The following PHLPP1 variants were observed in gnomAD, a reference collection of about 807,000 sequenced individuals.
PHLPP1 encodes PH domain and leucine rich repeat protein phosphatase 1.
A neutral mutation model predicts 117.2 loss-of-function variants in PHLPP1; 42 were observed. The observed-to-expected ratio is 0.36, with a 90% CI of 0.28 to 0.46. The LOEUF is 0.46. PHLPP1 is among the 20% of genes least tolerant of loss of function. PHLPP1 has a pLI of 1.00. For synonymous variants in PHLPP1, 1,042 were observed against 970.7 expected, an observed-to-expected ratio of 1.07 and a Z score of -1.37; for missense variants, 2,084 against 2,241.9, an observed-to-expected ratio of 0.93 and a Z score of 1.42.
intron 1 of PHLPP1, among the ~76,000 whole-genome samples, chr18:62,718,287 T>C (rs1910821276): frequency 6.6e-6 from 1 of 152,260 alleles, no homozygotes; most frequent in Admixed American, 6.5e-5. Flanking sequence ...AACTCTTCGC[T>C]AACTTTACGT....
rs372585456 is a variant in PHLPP1 at position 62,964,304 on chromosome 18, C to A, written c.3560+832C>A. Among the ~76,000 whole-genome samples, 48 of 152,250 alleles carry A rather than the reference C, an allele frequency of 3.2e-4. 2 individuals carry two copies. Among genetic ancestry groups the A allele is most frequent in the East Asian group, 2.7e-3 (14 of 5,172 alleles). On this transcript the variant is annotated intron_variant, in intron 14 of 16. Coordinates refer to ENST00000262719, the MANE Select transcript of PHLPP1 (RefSeq NM_194449.4). ...GTAAGGAAAGTTTTTAAAAAGTCTC[C>A]CAACCTAGACTCATTAAATCAGAAT...
intron 4 of PHLPP1, among the ~76,000 whole-genome samples, chr18:62,878,559 C>A (rs1254154251): frequency 6.6e-6 from 1 of 152,112 alleles, no homozygotes; most frequent in Admixed American, 6.6e-5. Flanking sequence ...AGTCACATTC[C>A]TCTTGTCATT....
chr18:62,852,544 T>C (rs930623506), intron 3 of PHLPP1, among the ~76,000 whole-genome samples: 3 of 152,040 alleles, frequency 2.0e-5, no homozygotes, highest in Non-Finnish European at 4.4e-5. Flanking sequence ...GGGGTTTCAC[T>C]GTGTTAGCCA....
chr18:62,938,267 C>A (rs1422430460), intron 10 of PHLPP1, among the ~76,000 whole-genome samples: 1 of 152,116 alleles, frequency 6.6e-6, no homozygotes, highest in Non-Finnish European at 1.5e-5. Context: ...AGAGTTGAGA[C>A]CTGACTCAGC....
chr18:62,780,280 AAG>A (rs1224680066), intron 1 of PHLPP1, among the ~76,000 whole-genome samples: 1 of 152,232 alleles, frequency 6.6e-6, no homozygotes, highest in Non-Finnish European at 1.5e-5. Context: ...TGGCTGCAAT[AAG>A]AAATACTGTA....
chr18:62,796,178 T>G (rs1370520091), intron 1 of PHLPP1, among the ~76,000 whole-genome samples: 1 of 152,256 alleles, frequency 6.6e-6, no homozygotes, highest in Non-Finnish European at 1.5e-5. Flanking sequence ...TTGTTAAAAG[T>G]AAATTCCAAG....
At chr18:62,943,390 T>C (rs769697278) in intron 11 of PHLPP1, among the ~76,000 whole-genome samples, 21 of 152,252 alleles carry the variant, frequency 1.4e-4, no homozygotes, top group Non-Finnish European at 2.2e-4. Context: ...AGTCATTTTG[T>C]CTTCACATCT....
chr18:62,775,431 A>C (rs927076869), intron 1 of PHLPP1, among the ~76,000 whole-genome samples: 13 of 152,138 alleles, frequency 8.5e-5, no homozygotes, highest in African/African-American at 2.9e-4. Context: ...TTTACTTGCT[A>C]TCTTGTTCTC....
chr18:62,973,437 GACTC>G (rs1430639212), intron 15 of PHLPP1, among the ~76,000 whole-genome samples: 1 of 152,212 alleles, frequency 6.6e-6, no homozygotes, highest in Non-Finnish European at 1.5e-5. Context: ...TTGTGCTGCA[GACTC>G]ACTCATGTGG....
At chr18:62,939,149 C>T (rs1910058537) in intron 10 of PHLPP1, among the ~76,000 whole-genome samples, 1 of 151,884 alleles carries the variant, frequency 6.6e-6, no homozygotes, top group Non-Finnish European at 1.5e-5. Context: ...TGCCACCACA[C>T]CCAGCTAATA....
At chr18:62,916,005 G>A (rs373434780) in intron 9 of PHLPP1, among the ~76,000 whole-genome samples, 36 of 152,248 alleles carry the variant, frequency 2.4e-4, no homozygotes, top group Non-Finnish European at 4.4e-4. Flanking sequence ...ATAGAAGTAT[G>A]TCACCATTTT....
chr18:62,787,727 C>T (rs1388493238), intron 1 of PHLPP1, among the ~76,000 whole-genome samples: 1 of 152,072 alleles, frequency 6.6e-6, no homozygotes, highest in Admixed American at 6.5e-5. Flanking sequence ...CTTCATATTT[C>T]ACTGGTCTAC....
intron 4 of PHLPP1, among the ~76,000 whole-genome samples, chr18:62,879,164 G>T (rs546122323): frequency 6.6e-6 from 1 of 152,264 alleles, no homozygotes; most frequent in African/African-American, 2.4e-5. Context: ...GTATTAAGAG[G>T]TGGGACTTTA....
At chr18:62,970,718 TCA>T (rs1911026741) in intron 14 of PHLPP1, among the ~76,000 whole-genome samples, 1 of 151,918 alleles carries the variant, frequency 6.6e-6, no homozygotes. Flanking sequence ...TGAACCAAGA[TCA>T]CACCACTGCA....
rs553603230 is a variant in PHLPP1 at position 62,830,708 on chromosome 18, C to T, written c.1773+477C>T. On this transcript the variant is annotated intron_variant, in intron 2 of 16. Coordinates refer to ENST00000262719, the MANE Select transcript of PHLPP1 (RefSeq NM_194449.4). ...TGTGGGGAAAAAACAGTGCCATTGG[C>T]TCATGTGAGGCCTTGATGATTATTG... Among the ~76,000 whole-genome samples the T allele has an allele frequency of 6.6e-5, 10 of 152,154 alleles. No homozygotes were observed. The East Asian group carries it at 1.9e-3, about 29-fold the overall frequency.
chr18:62,884,036 A>C (rs1916227242), intron 4 of PHLPP1, among the ~76,000 whole-genome samples: 1 of 152,246 alleles, frequency 6.6e-6, no homozygotes, highest in Non-Finnish European at 1.5e-5. Flanking sequence ...GTAACAGCAG[A>C]AAAACTGAGA....
chr18:62,742,058 CA>C (rs1193327919), intron 1 of PHLPP1, among the ~76,000 whole-genome samples: 1 of 151,922 alleles, frequency 6.6e-6, no homozygotes, highest in Non-Finnish European at 1.5e-5. Flanking sequence ...CCTTTGAGGC[CA>C]GTGTTTTGGA....
rs936861188 is a variant in PHLPP1 at position 62,716,852 on chromosome 18, T to C, written c.1169T>C (p.Val390Ala). ...GACGCAGCCTCGGCCCCGACGGGGG[T>C]CCCGGGCCAGCCCCGCCGTCCCGGC... ...EADAASAPTG[V>A]PGQPRRPGHP... The change falls in exon 1 of 17, where the codon GTC becomes GCC. Residue 390 changes from valine (V) to alanine (A), a missense_variant. Coordinates refer to ENST00000262719, the MANE Select transcript of PHLPP1 (RefSeq NM_194449.4). The surrounding 1 kb of genome is among the most constrained non-coding windows in gnomAD (Gnocchi z 5.7). 1 of 1,521,820 alleles carries C rather than the reference T, an allele frequency of 6.6e-7. No homozygotes were observed. Among genetic ancestry groups the C allele is most frequent in the Non-Finnish European group, 8.8e-7 (1 of 1,140,926 alleles). The allele number at this position is 1,521,820 out of a possible 1,614,324, so 94.3% of individuals were successfully genotyped here. A position where few individuals can be genotyped will look rare whatever the true frequency, so the allele number is the denominator to read the frequency against.
chr18:62,782,573 T>C (rs1387279377), intron 1 of PHLPP1, among the ~76,000 whole-genome samples: 1 of 152,238 alleles, frequency 6.6e-6, no homozygotes. Context: ...AATTCAGCTA[T>C]ATGCACTCCA....
Sources: allele counts gnomAD v4.1 joint callset (sites outside exome capture counted in the v4.1 genomes callset), GRCh38; gene constraint gnomAD v4.1.1; non-coding constraint Gnocchi (gnomAD v3.1); transcripts MANE v1.5; gene names NCBI Gene and HGNC (gene_info 2026-07-23, HGNC 2026-07-21).